Variants in KAT6A observed in about 807,000 individuals in gnomAD.
The protein encoded by KAT6A is histone acetyltransferase KAT6A.
A neutral mutation model predicts 198.4 loss-of-function variants in KAT6A; 9 were observed. The ratio of observed to expected loss-of-function variants is 0.05; its 90% CI spans 0.03 to 0.08. KAT6A has a LOEUF of 0.08. Ranked by LOEUF, KAT6A falls within the 10% of genes least tolerant of loss-of-function variation. KAT6A has a pLI of 1.00. For missense variants in KAT6A, 2,077 were observed against 2,509.9 expected, an observed-to-expected ratio of 0.83 and a Z score of 3.69; for synonymous variants, 890 against 883.0, an observed-to-expected ratio of 1.01 and a Z score of -0.14.
intron 2 of KAT6A, among the ~76,000 whole-genome samples, chr8:42,013,089 G>A (rs1409616355): frequency 2.7e-5 from 4 of 149,926 alleles, no homozygotes; most frequent in African/African-American, 9.8e-5. Flanking sequence ...TTTTTTTAGT[G>A]GATAATGGAT....
In KAT6A at chr8:41,998,446, T is replaced by A. The variant is rs566128983; in HGVS notation, c.601-10883A>T. ...AGCTCTTCATGTCAATTTTACCAAG[T>A]TTTTCATTCTTTCACTAATAATAGC... On this transcript the variant is annotated intron_variant, in intron 2 of 16. Transcript: ENST00000265713. Among the ~76,000 whole-genome samples the A allele has an allele frequency of 2.6e-5, 4 of 152,232 alleles. No homozygotes were observed. In the South Asian group the frequency reaches 8.3e-4, roughly 32 times the overall value.
At chr8:42,048,183 T>C (rs995072526) in intron 2 of KAT6A, among the ~76,000 whole-genome samples, 195 bp downstream of exon 2, 1 of 152,198 alleles carries the variant, frequency 6.6e-6, no homozygotes, top group African/African-American at 2.4e-5. Context: ...TTTTTAATCT[T>C]AGGCTTCAAA....
At chr8:41,976,060 T>C (rs74969791) in intron 7 of KAT6A, among the ~76,000 whole-genome samples, 279 of 152,272 alleles carry the variant, frequency 1.8e-3, no homozygotes, top group Non-Finnish European at 2.8e-3. Context: ...AAAAGACCAA[T>C]CAATAAAGCA....
intron 2 of KAT6A, among the ~76,000 whole-genome samples, chr8:42,006,758 G>T (rs1255317641): frequency 6.6e-6 from 1 of 152,108 alleles, no homozygotes; most frequent in East Asian, 1.9e-4. Flanking sequence ...CACTTTAGGA[G>T]GCCGAGGTGG....
chr8:42,006,427 T>C (rs1232665922), intron 2 of KAT6A, among the ~76,000 whole-genome samples: 1 of 152,200 alleles, frequency 6.6e-6, no homozygotes, highest in Non-Finnish European at 1.5e-5. Context: ...TTACGTCACC[T>C]CAGGTTGGGT....
At chr8:41,984,919 C>T (rs1824531169) in intron 3 of KAT6A, among the ~76,000 whole-genome samples, 1 of 150,028 alleles carries the variant, frequency 6.7e-6, no homozygotes, top group Non-Finnish European at 1.5e-5. Context: ...GGAGGCAGAG[C>T]TTGCAGTGAG....
intron 2 of KAT6A, among the ~76,000 whole-genome samples, chr8:41,993,013 T>C (rs1164338317): frequency 2.0e-5 from 3 of 150,762 alleles, no homozygotes; most frequent in Non-Finnish European, 4.5e-5. Context: ...GCAAAAAAAA[T>C]GGTATTCAAA....
chr8:41,965,520 C>G (rs533100151), intron 8 of KAT6A, among the ~76,000 whole-genome samples: 1 of 152,270 alleles, frequency 6.6e-6, no homozygotes, highest in African/African-American at 2.4e-5. Flanking sequence ...CTTATCTAGC[C>G]AAGATGAACT....
intron 7 of KAT6A, 127 bp downstream of exon 7, chr8:41,976,878 TCAA>T: frequency 1.3e-6 from 1 of 771,050 alleles, no homozygotes; most frequent in Non-Finnish European, 2.0e-6. Context: ...ACATGTTTTT[TCAA>T]TGTGTTCTTA....
At position 41,937,421 on chromosome 8, in the gene KAT6A, G is replaced by A. The variant is rs1821908148; in HGVS notation, c.3187C>T (p.Pro1063Ser). 6.2e-7 allele frequency: 1 copy of A among 1,614,064 alleles called. No individual in the cohort carries two copies. Among genetic ancestry groups the A allele is most frequent in the Non-Finnish European group, 8.5e-7 (1 of 1,179,994 alleles). ...DSERPMPRLE[P>S]TFEIDEEEEE... ...TCTTCTTCATCGATCTCAAACGTGG[G>A]TTCTAATCTTGGCATTGGCCTCTCG... The change falls in exon 16 of 17, where the codon CCC becomes TCC. Residue 1063 changes from proline to serine, a missense_variant. Pro to Ser is a moderately conservative substitution (Grantham distance 74). This residue lies in a region of KAT6A where 375 missense variants were observed against 383.0 expected (regional missense o/e 0.98). Coordinates refer to ENST00000265713, the MANE Select transcript of KAT6A (RefSeq NM_006766.5).
chr8:42,045,048 T>C (rs1042042966), intron 2 of KAT6A, among the ~76,000 whole-genome samples: 11 of 152,244 alleles, frequency 7.2e-5, no homozygotes, highest in African/African-American at 2.7e-4. Flanking sequence ...TAGAGTTCAC[T>C]GTATTACGAT....
At chr8:42,038,742 T>C (rs968582898) in intron 2 of KAT6A, among the ~76,000 whole-genome samples, 12 of 152,222 alleles carry the variant, frequency 7.9e-5, no homozygotes, top group Non-Finnish European at 1.5e-4. Context: ...AGTCTTTTTT[T>C]CTAATAATCT....
intron 8 of KAT6A, among the ~76,000 whole-genome samples, chr8:41,961,751 CAAAAAAAAAAA>C: frequency 2.1e-5 from 1 of 46,520 alleles, no homozygotes; most frequent in East Asian, 5.6e-4. Context: ...GACTCCATCT[CAAAAAAAAAAA>C]AAAAAAAAAA....
chr8:42,010,346 T>C (rs927493961), intron 2 of KAT6A, among the ~76,000 whole-genome samples: 3 of 152,294 alleles, frequency 2.0e-5, no homozygotes, highest in Non-Finnish European at 2.9e-5. Context: ...AGACACTCTA[T>C]GTACTTGTTG....
At chr8:42,045,730 T>C (rs868540776) in intron 2 of KAT6A, among the ~76,000 whole-genome samples, 6 of 151,144 alleles carry the variant, frequency 4.0e-5, no homozygotes, top group Middle Eastern at 3.5e-3. Flanking sequence ...CTTGGCACTT[T>C]GAGAGACCGA....
chr8:41,962,884 T>A (rs560032231), intron 8 of KAT6A, among the ~76,000 whole-genome samples: 46 of 152,282 alleles, frequency 3.0e-4, no homozygotes, highest in African/African-American at 1.1e-3. Flanking sequence ...CATTTCCTGT[T>A]CCTATGCCTG....
intron 2 of KAT6A, among the ~76,000 whole-genome samples, chr8:42,040,976 A>G (rs2150927737): frequency 6.6e-6 from 1 of 152,010 alleles, no homozygotes; most frequent in Admixed American, 6.6e-5. Flanking sequence ...GCACTTTGGG[A>G]AGCCAATCAG....
At chr8:41,987,023 G>T (rs1314597435) in intron 3 of KAT6A, among the ~76,000 whole-genome samples, 2 of 152,178 alleles carry the variant, frequency 1.3e-5, no homozygotes, top group Non-Finnish European at 2.9e-5. Flanking sequence ...GGGTGACAGA[G>T]GAAGACTCTG....
chr8:42,020,807 A>C (rs1214740137), intron 2 of KAT6A, among the ~76,000 whole-genome samples: 1 of 152,166 alleles, frequency 6.6e-6, no homozygotes, highest in East Asian at 1.9e-4. Flanking sequence ...AAAACTTGAG[A>C]AGCAGTGCTA....
Sources: gnomAD v4.1 joint callset for allele counts (sites outside exome capture counted in the v4.1 genomes callset) on GRCh38, gnomAD v4.1.1 for gene constraint, gnomAD v4.1.1 regional missense constraint, MANE v1.5 for transcripts, NCBI Gene and HGNC (gene_info 2026-07-23, HGNC 2026-07-21) for gene names.